NT5DC3: variants seen among roughly 807,000 people sequenced by gnomAD.
NT5DC3 encodes the protein 5'-nucleotidase domain-containing protein 3.
NT5DC3 carries 42 observed loss-of-function variants against 67.8 expected under a neutral mutation model. The observed-to-expected ratio is 0.62, with a 90% CI of 0.48 to 0.80. The LOEUF is 0.80. NT5DC3 is among the 30% of genes least tolerant of loss of function. The pLI is 0.00. For synonymous variants in NT5DC3, 237 were observed against 255.6 expected (o/e 0.93, Z 0.69); for missense variants, 570 against 696.4 (o/e 0.82, Z 2.04).
At chr12:103,755,521 C>T in the NT5DC3 span, 3 of 1,608,824 alleles carry the variant, frequency 1.9e-6, no homozygotes, top group South Asian at 3.3e-5. Context: ...CTGAGCAATC[C>T]TCAGCCTGGC....
chr12:103,791,290 AAG>A (rs1201786699), intron 9 of NT5DC3, among the ~76,000 whole-genome samples: 1 of 152,052 alleles, frequency 6.6e-6, no homozygotes, highest in African/African-American at 2.4e-5. Flanking sequence ...CTCTGGTGAA[AAG>A]AGAGACAGGG....
the NT5DC3 span, chr12:103,753,393 G>A: frequency 0.22 from 358,131 of 1,612,774 alleles, 42,227 homozygotes; most frequent in Non-Finnish European, 0.24. Flanking sequence ...GACAGAGTCT[G>A]CAGGGGCGGA....
In NT5DC3 at chr12:103,781,222, A is replaced by G. The variant is rs2139304483; in HGVS notation, c.1330-858T>C. On this transcript the variant is annotated intron_variant, in intron 12 of 13. Transcript: ENST00000392876. ...GGCCAGCTCCCTGCAATTCATGACC[A>G]CAGGGGTAACCTTAGAACCTGGAGG... Among the ~76,000 whole-genome samples the G allele has an allele frequency of 1.3e-5, 2 of 152,372 alleles. 1 individual carries two copies. The highest frequency in any genetic ancestry group is 4.1e-4 in the South Asian group (2 of 4,830).
At chr12:103,809,490 C>T (rs975059835) in intron 2 of NT5DC3, among the ~76,000 whole-genome samples, 2 of 152,174 alleles carry the variant, frequency 1.3e-5, no homozygotes, top group Non-Finnish European at 2.9e-5. Context: ...TAAACACATA[C>T]CTGAAACTGG....
intron 4 of NT5DC3, among the ~76,000 whole-genome samples, chr12:103,799,542 A>G (rs1472423146): frequency 6.6e-6 from 1 of 152,104 alleles, no homozygotes; most frequent in Non-Finnish European, 1.5e-5. Flanking sequence ...ATGTGGAACT[A>G]TGAGTCCATT....
intron 12 of NT5DC3, 23 bp from the exon 13 acceptor site, chr12:103,780,387 T>C: frequency 1.1e-5 from 18 of 1,608,932 alleles, no homozygotes; most frequent in Non-Finnish European, 1.4e-5. Context: ...AGTCAATTAT[T>C]ACAACTGTTT....
chr12:103,764,470 C>T, the NT5DC3 span, among the ~76,000 whole-genome samples: 1 of 152,194 alleles, frequency 6.6e-6, no homozygotes, highest in African/African-American at 2.4e-5. Context: ...TGACATCAAT[C>T]CAGGGGGACC....
chr12:103,808,019 T>A (rs1055077318), intron 2 of NT5DC3, among the ~76,000 whole-genome samples: 1 of 151,938 alleles, frequency 6.6e-6, no homozygotes, highest in African/African-American at 2.4e-5. Context: ...GTTCCCCGGG[T>A]ATTTCCTATT....
chr12:103,789,215 G>A (rs1452354108), intron 9 of NT5DC3, among the ~76,000 whole-genome samples: 1 of 152,134 alleles, frequency 6.6e-6, no homozygotes, highest in Non-Finnish European at 1.5e-5. Context: ...CCTGAGGTCA[G>A]GAGTTCGAGA....
chr12:103,763,498 G>A, the NT5DC3 span: 1 of 1,614,044 alleles, frequency 6.2e-7, no homozygotes, highest in Middle Eastern at 1.7e-4. Context: ...ACAGTCGGAA[G>A]AGGACATTAA....
chr12:103,767,941 A>C (rs1378339827), downstream of NT5DC3, among the ~76,000 whole-genome samples: 1 of 151,674 alleles, frequency 6.6e-6, no homozygotes, highest in Non-Finnish European at 1.5e-5. Context: ...AAAAAATAAT[A>C]GCTGGGCATG....
chr12:103,840,352 C>A (rs1888329619), intron 1 of NT5DC3, among the ~76,000 whole-genome samples: 1 of 146,536 alleles, frequency 6.8e-6, no homozygotes, highest in South Asian at 2.2e-4. Context: ...CCCACCTGGA[C>A]CTCTCCTCTT....
intron 3 of NT5DC3, 42 bp from the exon 4 acceptor site, chr12:103,806,419 C>T (rs1204653834): frequency 1.4e-6 from 2 of 1,391,340 alleles, no homozygotes; most frequent in Admixed American, 1.7e-5. Context: ...TAATGTATGA[C>T]TATTTGCATA....
Position 103,785,751 on chromosome 12 carries a change from T to TAAAA in NT5DC3, c.1189-280_1189-277dup, listed in dbSNP as rs201632707. The TAAAA allele has an allele frequency of 5.2e-3, 1,908 of 366,916 alleles. 29 individuals carry two copies. Among genetic ancestry groups the TAAAA allele is most frequent in the Non-Finnish European group, 7.4e-3 (1,473 of 197,726 alleles). 22.7% of individuals were successfully genotyped at this position (366,916 alleles called of 1,614,324 possible). A position where few individuals can be genotyped will look rare whatever the true frequency, so the allele number is the denominator to read the frequency against. ...GTCTGGAATCATTAACCATGGTCTG[T>TAAAA]AAAAAAAAAAAAAAAAAAAAAAAAA... On this transcript the variant is annotated intron_variant, in intron 11 of 13. Coordinates refer to ENST00000392876, the MANE Select transcript of NT5DC3 (RefSeq NM_001031701.3).
intron 1 of NT5DC3, chr12:103,822,017 A>G (rs184502716): frequency 1.1e-3 from 171 of 152,372 alleles, no homozygotes; most frequent in African/African-American, 3.8e-3. Context: ...CTTTCCTTCA[A>G]ATTATGCTAT....
chr12:103,778,170 T>TAAAAAAAAAAA, intron 13 of NT5DC3, 89 bp from the exon 14 acceptor site: 1 of 1,174,340 alleles, frequency 8.5e-7, no homozygotes, highest in Non-Finnish European at 1.2e-6. Context: ...CTTCTTTTTT[T>TAAAAAAAAAAA]AAAAAAAAAA....
chr12:103,755,506 A>T, the NT5DC3 span: 1 of 1,610,094 alleles, frequency 6.2e-7, no homozygotes, highest in East Asian at 2.2e-5. Context: ...TGGGCCACAC[A>T]GCTGCTGAGC....
At chr12:103,816,600 ATT>A (rs961310190) in intron 1 of NT5DC3, among the ~76,000 whole-genome samples, 1 of 151,892 alleles carries the variant, frequency 6.6e-6, no homozygotes, top group Non-Finnish European at 1.5e-5. Context: ...CATGATTTCT[ATT>A]TTTTTCTTGG....
intron 1 of NT5DC3, among the ~76,000 whole-genome samples, chr12:103,834,906 G>A (rs545841124): frequency 1.3e-5 from 2 of 150,838 alleles, no homozygotes; most frequent in African/African-American, 2.4e-5. Context: ...GCAACTGGGG[G>A]TGGGGAGATC....
Sources: allele counts gnomAD v4.1 joint callset (sites outside exome capture counted in the v4.1 genomes callset), GRCh38; gene constraint gnomAD v4.1.1; transcripts MANE v1.5; gene names NCBI Gene and HGNC (gene_info 2026-07-23, HGNC 2026-07-21).